Variants in LOC400499 observed in about 807,000 individuals in gnomAD.
the LOC400499 span, among the ~76,000 whole-genome samples, chr16:11,403,025 C>A: frequency 2.6e-3 from 395 of 152,220 alleles, no homozygotes; most frequent in Middle Eastern, 0.02. Flanking sequence ...CAGATGGCCT[C>A]CACACCCCGG....
chr16:11,521,548 G>A, the LOC400499 span, among the ~76,000 whole-genome samples: 2 of 152,080 alleles, frequency 1.3e-5, no homozygotes, highest in Admixed American at 1.3e-4. Context: ...GGCCTTGCTG[G>A]GAATAGACTT....
At chr16:11,482,818 G>A in the LOC400499 span, among the ~76,000 whole-genome samples, 1 of 151,382 alleles carries the variant, frequency 6.6e-6, no homozygotes, top group East Asian at 1.9e-4. Flanking sequence ...CTTGAGCCCA[G>A]CAGGTCAAGG....
the LOC400499 span, among the ~76,000 whole-genome samples, chr16:11,490,232 A>T: frequency 6.6e-6 from 1 of 152,012 alleles, no homozygotes; most frequent in East Asian, 1.9e-4. Context: ...CATCTCTACT[A>T]AAAGAATACA....
the LOC400499 span, among the ~76,000 whole-genome samples, chr16:11,465,820 T>A: frequency 4.9e-5 from 3 of 61,336 alleles, no homozygotes. Flanking sequence ...GTAGAAGACA[T>A]GGGGGAAAGT....
At chr16:11,393,351 G>A in the LOC400499 span, 271 of 1,228,820 alleles carry the variant, frequency 2.2e-4, no homozygotes, top group African/African-American at 2.9e-3. Context: ...AACAGGGGCC[G>A]TGGCCCAGCT....
the LOC400499 span, among the ~76,000 whole-genome samples, chr16:11,382,485 C>T: frequency 6.6e-6 from 1 of 152,208 alleles, no homozygotes; most frequent in African/African-American, 2.4e-5. Context: ...GGATCTGATG[C>T]TGTCTCCAGG....
the LOC400499 span, among the ~76,000 whole-genome samples, chr16:11,525,570 C>T: frequency 2.0e-5 from 3 of 152,166 alleles, no homozygotes; most frequent in African/African-American, 7.2e-5. Flanking sequence ...GGACACTGGG[C>T]ACCAAATTAA....
At chr16:11,488,414 GTTGT>G in the LOC400499 span, among the ~76,000 whole-genome samples, 9 of 152,112 alleles carry the variant, frequency 5.9e-5, no homozygotes, top group East Asian at 1.9e-4. Flanking sequence ...TTTTGTTGTT[GTTGT>G]TTGTTTGTTT....
the LOC400499 span, chr16:11,450,485 C>T: frequency 1.1e-6 from 1 of 908,228 alleles, no homozygotes; most frequent in Non-Finnish European, 1.6e-6. Context: ...ACTGGGAGGG[C>T]CAGACTTCAC....
chr16:11,463,263 C>T, the LOC400499 span, among the ~76,000 whole-genome samples: 1 of 63,532 alleles, frequency 1.6e-5, no homozygotes, highest in Non-Finnish European at 3.8e-5. Flanking sequence ...CACCCCCACG[C>T]CCCCCTGATG....
chr16:11,434,291 G>T, the LOC400499 span, among the ~76,000 whole-genome samples: 2 of 152,190 alleles, frequency 1.3e-5, no homozygotes, highest in African/African-American at 4.8e-5. Flanking sequence ...GGAGGCTAAG[G>T]CTGGGAAATT....
the LOC400499 span, among the ~76,000 whole-genome samples, chr16:11,501,595 C>T: frequency 6.6e-6 from 1 of 151,962 alleles, no homozygotes; most frequent in Non-Finnish European, 1.5e-5. Flanking sequence ...TGAGCATAGC[C>T]GTAAGCTGAC....
At chr16:11,474,818 C>T in the LOC400499 span, among the ~76,000 whole-genome samples, 6 of 152,064 alleles carry the variant, frequency 3.9e-5, no homozygotes, top group African/African-American at 1.4e-4. Flanking sequence ...TGCAGTGAGC[C>T]ATGATTGCAC....
chr16:11,385,081 G>C, the LOC400499 span: 1 of 1,232,224 alleles, frequency 8.1e-7, no homozygotes, highest in Non-Finnish European at 1.0e-6. Context: ...GGCCAGAGGG[G>C]GCTGGGCAGG....
chr16:11,525,407 T>C, the LOC400499 span, among the ~76,000 whole-genome samples: 33,495 of 151,856 alleles, frequency 0.22, 4,381 homozygotes, highest in African/African-American at 0.37. Context: ...CATGGTAAGA[T>C]ATCTGGCAGG....
the LOC400499 span, among the ~76,000 whole-genome samples, chr16:11,424,731 G>A: frequency 6.6e-6 from 1 of 152,170 alleles, no homozygotes; most frequent in African/African-American, 2.4e-5. Flanking sequence ...AGGCCTGGAG[G>A]TAACTTCTGA....
chr16:11,470,229 G>T, the LOC400499 span, among the ~76,000 whole-genome samples: 4 of 152,154 alleles, frequency 2.6e-5, no homozygotes, highest in African/African-American at 9.7e-5. Context: ...CTTTTAACCA[G>T]CTTTGTGTCC....
chr16:11,471,387 A>G, the LOC400499 span: 3 of 334,828 alleles, frequency 9.0e-6, no homozygotes, highest in Admixed American at 4.9e-5. Flanking sequence ...TCACAAAAGA[A>G]TATGATGTGC....
the LOC400499 span, among the ~76,000 whole-genome samples, chr16:11,488,288 TGTAA>T: frequency 6.6e-6 from 1 of 152,174 alleles, no homozygotes; most frequent in South Asian, 2.1e-4. Flanking sequence ...AGAGAAAAGA[TGTAA>T]GTATTCAGCT....
Sources: gnomAD v4.1 joint callset for allele counts (sites outside exome capture counted in the v4.1 genomes callset) on GRCh38, gnomAD v4.1.1 for gene constraint, MANE v1.5 for transcripts.